NRXN3: variants seen among roughly 807,000 people sequenced by gnomAD.
NRXN3 encodes the protein neurexin III.
In NRXN3, 32 loss-of-function variants were observed where a neutral mutation model predicts 137.6. That is an observed-to-expected ratio of 0.23 (90% CI 0.18 to 0.31). NRXN3 has a LOEUF of 0.31. NRXN3 is among the 10% of genes least tolerant of loss of function. The probability of loss-of-function intolerance (pLI) is 1.00; values close to 1 mark genes in which losing one functional copy is unlikely to be tolerated. For missense variants in NRXN3, 1,574 were observed against 2,062.5 expected (o/e 0.76, Z 4.59); for synonymous variants, 798 against 784.5 (o/e 1.02, Z -0.29).
chr14:78,508,108 G>A (rs149250515), intron 4 of NRXN3, among the ~76,000 whole-genome samples: 1,681 of 152,300 alleles, frequency 0.011, 15 homozygotes, highest in Middle Eastern at 0.031. Flanking sequence ...GGGTAAATAC[G>A]AATGTCAATC....
At chr14:79,365,725 CAAAAAAAAAAAA>C (rs569855024) in intron 15 of NRXN3, among the ~76,000 whole-genome samples, 2 of 42,408 alleles carry the variant, frequency 4.7e-5, no homozygotes, top group African/African-American at 1.9e-4. Flanking sequence ...GACTCTGTCT[CAAAAAAAAAAAA>C]AAAAAAAGAA....
chr14:79,814,052 T>G (rs1331630691), intron 20 of NRXN3, among the ~76,000 whole-genome samples: 1 of 152,238 alleles, frequency 6.6e-6, no homozygotes, highest in Non-Finnish European at 1.5e-5. Context: ...GACACCATCT[T>G]GTGTTTCATC....
At chr14:78,454,830 T>C (rs2094645784) in intron 4 of NRXN3, among the ~76,000 whole-genome samples, 1 of 152,126 alleles carries the variant, frequency 6.6e-6, no homozygotes, top group African/African-American at 2.4e-5. Context: ...TGGCTGTAAC[T>C]TGGCATAGCT....
At chr14:79,131,950 G>C (rs1022154307) in intron 15 of NRXN3, among the ~76,000 whole-genome samples, 3 of 152,216 alleles carry the variant, frequency 2.0e-5, no homozygotes, top group African/African-American at 7.2e-5. Flanking sequence ...TCCAGGTGCT[G>C]TCTGTCACCC....
chr14:79,814,522 A>T (rs578062610), intron 20 of NRXN3, among the ~76,000 whole-genome samples: 1 of 152,328 alleles, frequency 6.6e-6, no homozygotes, highest in African/African-American at 2.4e-5. Flanking sequence ...AGGAGGAAAA[A>T]CTTACAGTGG....
chr14:78,559,925 T>G (rs1048952983), intron 4 of NRXN3, among the ~76,000 whole-genome samples: 1 of 152,370 alleles, frequency 6.6e-6, no homozygotes, highest in Admixed American at 6.5e-5. Flanking sequence ...ATTTGTGTAC[T>G]TGTCTGCAGC....
chr14:79,830,752 A>T (rs936912535), intron 20 of NRXN3, among the ~76,000 whole-genome samples: 12 of 152,194 alleles, frequency 7.9e-5, no homozygotes, highest in Non-Finnish European at 1.8e-4. Flanking sequence ...CCATTTGGTC[A>T]CAATGGACTA....
At chr14:79,685,373 G>A (rs1333554118) in intron 17 of NRXN3, among the ~76,000 whole-genome samples, 1 of 152,010 alleles carries the variant, frequency 6.6e-6, no homozygotes, top group East Asian at 1.9e-4. Context: ...ACAAAATTCA[G>A]ACATTGAAAT....
intron 15 of NRXN3, among the ~76,000 whole-genome samples, chr14:79,202,849 C>T (rs1408197749): frequency 6.6e-6 from 1 of 152,038 alleles, no homozygotes; most frequent in Non-Finnish European, 1.5e-5. Flanking sequence ...CATGTGTGTG[C>T]AAGAATCTTT....
At chr14:79,801,675 C>T (rs2099181600) in intron 19 of NRXN3, among the ~76,000 whole-genome samples, 1 of 152,160 alleles carries the variant, frequency 6.6e-6, no homozygotes, top group Admixed American at 6.5e-5. Context: ...CTTCAAACTC[C>T]TTTGAGTCTG....
At chr14:79,306,559 T>G (rs1313084451) in intron 15 of NRXN3, among the ~76,000 whole-genome samples, 1 of 152,120 alleles carries the variant, frequency 6.6e-6, no homozygotes. Context: ...TGCTTGACTG[T>G]TTTTAATGAC....
chr14:79,754,325 C>T (rs2099009938), intron 19 of NRXN3, among the ~76,000 whole-genome samples: 1 of 151,572 alleles, frequency 6.6e-6, no homozygotes, highest in Non-Finnish European at 1.5e-5. Context: ...GCCTGGACGA[C>T]AGAGCGAGAC....
chr14:79,853,255 C>A (rs540622063), intron 20 of NRXN3, among the ~76,000 whole-genome samples: 2 of 152,296 alleles, frequency 1.3e-5, no homozygotes, highest in African/African-American at 2.4e-5. Flanking sequence ...AGTTGTTCAA[C>A]TTGAATGCAT....
intron 15 of NRXN3, among the ~76,000 whole-genome samples, chr14:79,062,961 A>G (rs2099676020): frequency 6.6e-6 from 1 of 152,164 alleles, no homozygotes; most frequent in South Asian, 2.1e-4. Flanking sequence ...TAAAGGCAGT[A>G]ATTTGTATAG....
intron 4 of NRXN3, among the ~76,000 whole-genome samples, chr14:78,517,351 C>G (rs1186258702): frequency 1.3e-5 from 2 of 152,068 alleles, no homozygotes; most frequent in Non-Finnish European, 2.9e-5. Context: ...CAGGTTCTGT[C>G]CTAATTCTGC....
intron 16 of NRXN3, among the ~76,000 whole-genome samples, chr14:79,505,002 G>T (rs1601359522): frequency 6.6e-6 from 1 of 152,088 alleles, no homozygotes; most frequent in Admixed American, 6.5e-5. Context: ...ATCACCTGAG[G>T]TCAGGAGTTT....
intron 1 of NRXN3, among the ~76,000 whole-genome samples, chr14:78,212,985 A>C (rs2062890556): frequency 6.6e-6 from 1 of 152,218 alleles, no homozygotes; most frequent in South Asian, 2.1e-4. Context: ...TGTTAGACCC[A>C]CTTAGAGCAT....
chr14:78,226,149 G>T (rs555093383), intron 1 of NRXN3, among the ~76,000 whole-genome samples: 1 of 152,064 alleles, frequency 6.6e-6, no homozygotes, highest in Admixed American at 6.5e-5. Context: ...GATTACAGGC[G>T]CGTGCCACCA....
intron 15 of NRXN3, among the ~76,000 whole-genome samples, chr14:79,222,270 G>GT (rs1455328549): frequency 2.0e-4 from 31 of 152,120 alleles, no homozygotes; most frequent in African/African-American, 7.5e-4. Flanking sequence ...ATATGAAGTA[G>GT]TTTTTTCTAA....
Sources: gnomAD v4.1 joint callset for allele counts (sites outside exome capture counted in the v4.1 genomes callset) on GRCh38, gnomAD v4.1.1 for gene constraint, MANE v1.5 for transcripts, NCBI Gene and HGNC (gene_info 2026-07-23, HGNC 2026-07-21) for gene names.